Variants in GBF1 observed in about 807,000 individuals in gnomAD.
GBF1 encodes the protein Golgi-specific brefeldin A-resistance guanine nucleotide exchange factor 1.
Under a neutral mutation model 210.5 loss-of-function variants are expected in GBF1, and 114 were observed. The observed-to-expected ratio is 0.54, with a 90% CI of 0.47 to 0.63. The LOEUF is 0.63. Ranked by LOEUF, GBF1 falls within the 30% of genes least tolerant of loss-of-function variation. GBF1 has a pLI of 0.00. For missense variants in GBF1, 1,851 were observed against 2,357.7 expected, an observed-to-expected ratio of 0.79 and a Z score of 4.45; for synonymous variants, 850 against 889.2, an observed-to-expected ratio of 0.96 and a Z score of 0.78.
At chr10:102,355,232 T>TA (rs1286350484) in intron 8 of GBF1, among the ~76,000 whole-genome samples, 1 of 152,150 alleles carries the variant, frequency 6.6e-6, no homozygotes, top group Admixed American at 6.5e-5. Flanking sequence ...TCACTGAAAG[T>TA]AAAAAACTCT....
chr10:102,232,020 C>G, the GBF1 span: 2 of 1,608,780 alleles, frequency 1.2e-6, no homozygotes, highest in South Asian at 1.1e-5. Flanking sequence ...GGAGTGCCAG[C>G]GTCTGACAGC....
At chr10:102,292,402 G>A (rs1027685350) in intron 3 of GBF1, among the ~76,000 whole-genome samples, 5 of 152,178 alleles carry the variant, frequency 3.3e-5, no homozygotes, top group African/African-American at 9.7e-5. Context: ...TTGCTGTGAC[G>A]CCCAGGCTGG....
intron 8 of GBF1, among the ~76,000 whole-genome samples, chr10:102,356,862 C>A (rs796513052): frequency 6.6e-6 from 1 of 150,826 alleles, no homozygotes; most frequent in South Asian, 2.1e-4. Context: ...GAATAGTTAA[C>A]AAACAGGTGA....
rs1015467773 is a variant in GBF1 at position 102,376,672 on chromosome 10, C to T, written c.4160C>T (p.Thr1387Ile). 30 of 1,614,082 alleles carry T rather than the reference C, an allele frequency of 1.9e-5. No homozygotes were observed. Among genetic ancestry groups the T allele is most frequent in the Non-Finnish European group, 2.5e-5 (30 of 1,180,010 alleles). Residue 1387 changes from threonine (T) to isoleucine (I), a missense_variant, in exon 32 of 40, where the codon ACT (threonine) becomes ATT (isoleucine). Coordinates refer to ENST00000369983, the MANE Select transcript of GBF1 (RefSeq NM_001377137.1). Reference protein sequence around the residue: ...TVGLDLGPHDTKSLLKCVESL... With the variant: ...TVGLDLGPHDIKSLLKCVESL... ...GGACTGGATTTGGGGCCACACGACA[C>T]TAAGTCTCTGCTTAAGTGTGTGGAA...
rs186263134 is a variant in GBF1, at chr10:102,323,010, G to A, written c.164-21041G>A. On this transcript the variant is annotated intron_variant, in intron 3 of 39. Coordinates refer to ENST00000369983, the MANE Select transcript of GBF1 (RefSeq NM_001377137.1). The stretch of plus-strand genomic sequence containing the variant: ...ATTTCCAAACTTTGTGGCTTAAACC[G>A]ACAACCATTTTATTGTATCACAATT... Among the ~76,000 whole-genome samples, 33 of 152,008 alleles carry A rather than the reference G, an allele frequency of 2.2e-4. 1 individual carries two copies. Among genetic ancestry groups the A allele is most frequent in the Non-Finnish European group, 1.2e-4 (8 of 67,992 alleles).
At chr10:102,280,166 C>T (rs536539364) in intron 3 of GBF1, among the ~76,000 whole-genome samples, 16 of 150,378 alleles carry the variant, frequency 1.1e-4, no homozygotes, top group African/African-American at 3.9e-4. Context: ...TAAGTAGAGA[C>T]AAAAGAAAAC....
At chr10:102,231,754 G>C in the GBF1 span, 1 of 1,608,158 alleles carries the variant, frequency 6.2e-7, no homozygotes, top group Non-Finnish European at 8.5e-7. Flanking sequence ...GTCCTCTGGG[G>C]AGCCGCCGGG....
At chr10:102,238,012 G>T in the GBF1 span, among the ~76,000 whole-genome samples, 1 of 152,142 alleles carries the variant, frequency 6.6e-6, no homozygotes, top group Non-Finnish European at 1.5e-5. Flanking sequence ...AAAGGGTTGG[G>T]CAGGGAAGAA....
intron 8 of GBF1, 38 bp from the exon 9 acceptor site, chr10:102,358,001 G>A: frequency 2.1e-6 from 3 of 1,440,894 alleles, no homozygotes; most frequent in Non-Finnish European, 2.9e-6. Context: ...TAGAGTCTTA[G>A]TTTGAATACC....
chr10:102,315,918 A>G (rs1039423762), intron 3 of GBF1, among the ~76,000 whole-genome samples: 7 of 152,100 alleles, frequency 4.6e-5, no homozygotes, highest in Non-Finnish European at 8.8e-5. Flanking sequence ...ACAGAACTCT[A>G]TAGAAGTTCT....
intron 3 of GBF1, among the ~76,000 whole-genome samples, chr10:102,289,062 C>T (rs906854267): frequency 2.8e-4 from 42 of 149,912 alleles, no homozygotes; most frequent in African/African-American, 9.9e-4. Context: ...AAGATCATGC[C>T]ACTGCACTCC....
chr10:102,352,358 C>A, intron 6 of GBF1, 100 bp from the exon 7 acceptor site: 2 of 851,448 alleles, frequency 2.3e-6, no homozygotes, highest in Non-Finnish European at 4.1e-6. Context: ...TTGGCATAAT[C>A]CTTGGTAAAC....
chr10:102,281,814 C>G (rs1426373707), intron 3 of GBF1, among the ~76,000 whole-genome samples: 1 of 151,770 alleles, frequency 6.6e-6, no homozygotes, highest in Non-Finnish European at 1.5e-5. Context: ...TGGCCTTTTT[C>G]TGTTCAAGGA....
chr10:102,248,132 C>T (rs1386038298), intron 1 of GBF1, among the ~76,000 whole-genome samples: 3 of 152,106 alleles, frequency 2.0e-5, no homozygotes, highest in Non-Finnish European at 2.9e-5. Context: ...CACACTATAT[C>T]CCTGTGGCTC....
rs1360381880 is a variant in GBF1 at position 102,375,496 on chromosome 10, A to G, written c.3798A>G (p.Thr1266=). ...ANIHSGDDWA[T]LFTLLECIGS... ...TCCACTCAGGTGATGACTGGGCCAC[A>G]CTCTTCACACTGCTGGAGTGCATCG... Residue 1266 remains threonine (T), a synonymous_variant, in exon 30 of 40, where the codon ACA becomes ACG. Transcript: ENST00000369983. 1 of 1,613,800 alleles carries G rather than the reference A, an allele frequency of 6.2e-7. No individual in the cohort carries two copies. The highest frequency in any genetic ancestry group is 1.3e-5 in the African/African-American group (1 of 74,968).
At chr10:102,231,553 CGCGCGGGT>C in the GBF1 span, 1 of 1,426,044 alleles carries the variant, frequency 7.0e-7, no homozygotes, top group Non-Finnish European at 9.7e-7. Context: ...GCGGAGGGCC[CGCGCGGGT>C]GCGAGTCGCG....
chr10:102,231,528 G>A, the GBF1 span: 7 of 1,162,966 alleles, frequency 6.0e-6, no homozygotes, highest in Non-Finnish European at 8.7e-6. Flanking sequence ...CTGGCCTCCG[G>A]GTCGCAGGCT....
intron 4 of GBF1, among the ~76,000 whole-genome samples, chr10:102,350,691 C>T (rs982060573): frequency 2.0e-5 from 3 of 152,088 alleles, no homozygotes; most frequent in African/African-American, 7.2e-5. Context: ...AATTCTCAGG[C>T]CCCACTCTGG....
intron 3 of GBF1, among the ~76,000 whole-genome samples, chr10:102,321,275 C>G (rs895591500): frequency 6.6e-6 from 1 of 152,188 alleles, no homozygotes; most frequent in East Asian, 1.9e-4. Context: ...TTGCATTGTT[C>G]ACCATCATAT....
Sources: allele counts gnomAD v4.1 joint callset (sites outside exome capture counted in the v4.1 genomes callset), GRCh38; gene constraint gnomAD v4.1.1; transcripts MANE v1.5; gene names NCBI Gene and HGNC (gene_info 2026-07-23, HGNC 2026-07-21).